C8orf34: variants seen among roughly 807,000 people sequenced by gnomAD.
The protein encoded by C8orf34 is chromosome 8 open reading frame 34.
In C8orf34, 65 loss-of-function variants were observed where a neutral mutation model predicts 68.3. That is an observed-to-expected ratio of 0.95 (90% confidence interval 0.78 to 1.17). C8orf34 has a LOEUF of 1.17. Ranked by LOEUF, C8orf34 falls within the 50% of genes most tolerant of loss-of-function variation. The pLI is 0.00. For synonymous variants in C8orf34, 244 were observed against 241.2 expected, an observed-to-expected ratio of 1.01 and a Z score of -0.11; for missense variants, 664 against 655.4, an observed-to-expected ratio of 1.01 and a Z score of -0.14.
At chr8:68,529,153 T>G (rs1359423134) in intron 6 of C8orf34, among the ~76,000 whole-genome samples, 1 of 152,226 alleles carries the variant, frequency 6.6e-6, no homozygotes, top group East Asian at 1.9e-4. Flanking sequence ...TTCATTCAAT[T>G]TACAAAGAAG....
chr8:68,790,223 T>C (rs1823955862), intron 12 of C8orf34, among the ~76,000 whole-genome samples: 1 of 152,206 alleles, frequency 6.6e-6, no homozygotes, highest in Non-Finnish European at 1.5e-5. Context: ...TGGCTAGATA[T>C]GCATAGATCA....
intron 8 of C8orf34, among the ~76,000 whole-genome samples, chr8:68,650,057 G>GAA (rs61398342): frequency 0.058 from 8,625 of 149,696 alleles, 308 homozygotes; most frequent in Middle Eastern, 0.1. Context: ...GTATATTTTA[G>GAA]AAAAAAAAAA....
chr8:68,746,067 C>G (rs1822480679), intron 10 of C8orf34, among the ~76,000 whole-genome samples: 1 of 152,252 alleles, frequency 6.6e-6, no homozygotes, highest in South Asian at 2.1e-4. Context: ...AACTAGAACT[C>G]AGGATTAAGA....
At chr8:68,616,181 T>G (rs1032315292) in intron 7 of C8orf34, among the ~76,000 whole-genome samples, 5 of 151,752 alleles carry the variant, frequency 3.3e-5, no homozygotes, top group African/African-American at 1.2e-4. Context: ...TCTTCTCTCT[T>G]TTCTTCTTTA....
intron 7 of C8orf34, chr8:68,535,851 T>G (rs1339601349): frequency 2.0e-6 from 2 of 980,188 alleles, no homozygotes; most frequent in Admixed American, 6.2e-5. Context: ...ATAATCATTT[T>G]AAGCACCTCT....
chr8:68,752,221 T>A (rs972837342), intron 10 of C8orf34, among the ~76,000 whole-genome samples: 2 of 152,184 alleles, frequency 1.3e-5, no homozygotes, highest in Non-Finnish European at 2.9e-5. Context: ...AAAATTTGAT[T>A]CCTTTTACCT....
At chr8:68,476,850 A>G (rs1313839083) in intron 4 of C8orf34, among the ~76,000 whole-genome samples, 3 of 152,214 alleles carry the variant, frequency 2.0e-5, no homozygotes, top group Non-Finnish European at 4.4e-5. Flanking sequence ...AATCTCTATA[A>G]GTTGGCTGAA....
At position 68,468,675 on chromosome 8, in the gene C8orf34, AT is replaced by A. The variant is rs761197839; in HGVS notation, c.608-9del. On this transcript the variant is annotated splice_polypyrimidine_tract_variant and intron_variant, in intron 3 of 13. Transcript: ENST00000518698. Reference sequence around the variant, plus strand: ...TATGTAGCATGCTTATGAAATTACCATTTTTTTTAAACATAGTGCCAAGGTC... The same window carrying A: ...TATGTAGCATGCTTATGAAATTACCATTTTTTTAAACATAGTGCCAAGGTC... 42 of 1,605,578 alleles carry A rather than the reference AT, an allele frequency of 2.6e-5. No individual in the cohort carries two copies. Among genetic ancestry groups the A allele is most frequent in the South Asian group, 2.1e-4 (19 of 89,636 alleles).
chr8:68,627,691 A>G (rs978657512), intron 7 of C8orf34, among the ~76,000 whole-genome samples: 1 of 152,222 alleles, frequency 6.6e-6, no homozygotes, highest in Non-Finnish European at 1.5e-5. Context: ...CCAGATTGGA[A>G]GAAGGAAACC....
rs1815374467 is a variant in C8orf34, at chr8:68,534,350, T to C, written c.1105+1201T>C. 1.0e-5 allele frequency: 10 copies of C among 984,338 alleles called. No homozygotes were observed. The South Asian group carries it at 4.7e-4, about 46-fold the overall frequency. 61.0% of individuals were successfully genotyped at this position (984,338 alleles called of 1,614,324 possible). A position where few individuals can be genotyped will look rare whatever the true frequency, so the allele number is the denominator to read the frequency against. On this transcript the variant is annotated intron_variant, in intron 7 of 13. Transcript: ENST00000518698. ...GCCCTATGTGGCAGTGGTAGCTTCA[T>C]TCAACAAACATTTACTGAGCACTTA...
chr8:68,756,906 G>A (rs1428578240), intron 10 of C8orf34, among the ~76,000 whole-genome samples: 1 of 152,098 alleles, frequency 6.6e-6, no homozygotes, highest in African/African-American at 2.4e-5. Flanking sequence ...AAAGATGAAA[G>A]AGAACTCTTA....
chr8:68,591,492 G>T (rs1056815304), intron 7 of C8orf34, among the ~76,000 whole-genome samples: 4 of 152,140 alleles, frequency 2.6e-5, no homozygotes, highest in African/African-American at 9.7e-5. Flanking sequence ...ATGTTTAAGC[G>T]TGCTTAATAT....
intron 1 of C8orf34, among the ~76,000 whole-genome samples, chr8:68,407,660 C>T (rs529154738): frequency 5.3e-5 from 8 of 152,040 alleles, no homozygotes; most frequent in Admixed American, 6.6e-5. Context: ...TTCTCATCTG[C>T]GTTGGCAACT....
At chr8:68,441,463 T>C (rs1021302455) in intron 2 of C8orf34, among the ~76,000 whole-genome samples, 1 of 152,142 alleles carries the variant, frequency 6.6e-6, no homozygotes, top group African/African-American at 2.4e-5. Context: ...ATTCTCCTCC[T>C]CCTCCTCCAT....
chr8:68,624,972 T>A (rs865800057), intron 7 of C8orf34, among the ~76,000 whole-genome samples: 3 of 151,794 alleles, frequency 2.0e-5, no homozygotes, highest in Non-Finnish European at 4.4e-5. Context: ...TGATAACTTA[T>A]TAGTAAATAG....
intron 8 of C8orf34, among the ~76,000 whole-genome samples, chr8:68,703,937 G>A (rs1260222647): frequency 6.6e-6 from 1 of 152,062 alleles, no homozygotes; most frequent in African/African-American, 2.4e-5. Context: ...CACTTTTCAA[G>A]GGAATATAAT....
At chr8:68,528,003 C>T (rs1445126683) in intron 6 of C8orf34, among the ~76,000 whole-genome samples, 2 of 152,318 alleles carry the variant, frequency 1.3e-5, no homozygotes, top group East Asian at 3.9e-4. Flanking sequence ...AGTTCTGCAT[C>T]TTGTTCTGAA....
chr8:68,395,041 A>G (rs1808634612), intron 1 of C8orf34, among the ~76,000 whole-genome samples: 1 of 152,102 alleles, frequency 6.6e-6, no homozygotes, highest in Admixed American at 6.6e-5. Flanking sequence ...GAATTTAGCA[A>G]GAAATTTATC....
At chr8:68,414,176 C>T (rs946256179) in intron 1 of C8orf34, among the ~76,000 whole-genome samples, 7 of 152,132 alleles carry the variant, frequency 4.6e-5, no homozygotes, top group African/African-American at 1.7e-4. Flanking sequence ...CCACATTTTT[C>T]TCTAATGTAT....
Sources: gnomAD v4.1 joint callset for allele counts (sites outside exome capture counted in the v4.1 genomes callset) on GRCh38, gnomAD v4.1.1 for gene constraint, MANE v1.5 for transcripts, NCBI Gene and HGNC (gene_info 2026-07-23, HGNC 2026-07-21) for gene names.